Variants in CACNA2D3 observed in about 807,000 individuals in gnomAD.
CACNA2D3 encodes voltage-dependent calcium channel subunit alpha-2/delta-3.
CACNA2D3 carries 60 observed loss-of-function variants against 160.6 expected under a neutral mutation model. That is an observed-to-expected ratio of 0.37 (90% CI 0.30 to 0.46). The LOEUF (loss-of-function observed/expected upper bound fraction) is 0.46. Among genes scored for constraint, CACNA2D3 ranks in the 20% least tolerant of loss-of-function variants. CACNA2D3 has a pLI of 1.00. For missense variants in CACNA2D3, 1,205 were observed against 1,365.0 expected (o/e 0.88, Z 1.85); for synonymous variants, 558 against 492.9 (o/e 1.13, Z -1.75).
intron 11 of CACNA2D3, among the ~76,000 whole-genome samples, chr3:54,703,787 G>C (rs1700809520): frequency 6.6e-6 from 1 of 152,192 alleles, no homozygotes; most frequent in South Asian, 2.1e-4. Flanking sequence ...GCTCACAGTA[G>C]AGCACAAAGG....
intron 11 of CACNA2D3, among the ~76,000 whole-genome samples, chr3:54,692,676 G>A (rs1384164832): frequency 6.6e-6 from 1 of 152,130 alleles, no homozygotes; most frequent in Non-Finnish European, 1.5e-5. Flanking sequence ...CCATCAACCA[G>A]CAAAATGGAT....
intron 13 of CACNA2D3, among the ~76,000 whole-genome samples, chr3:54,769,767 A>G (rs773038602): frequency 6.6e-6 from 1 of 152,322 alleles, no homozygotes; most frequent in East Asian, 1.9e-4. Flanking sequence ...CATAGTAGCT[A>G]CATGATTGTT....
chr3:54,337,523 C>G (rs552280034), intron 3 of CACNA2D3, among the ~76,000 whole-genome samples: 2 of 152,294 alleles, frequency 1.3e-5, no homozygotes, highest in African/African-American at 4.8e-5. Flanking sequence ...GTTCTGCTGT[C>G]TCTGCATTAG....
intron 9 of CACNA2D3, chr3:54,626,513 C>T: frequency 1.9e-6 from 3 of 1,608,270 alleles, no homozygotes; most frequent in Non-Finnish European, 2.5e-6. Flanking sequence ...AACGGCAAGA[C>T]CTTCAACCAG....
chr3:54,670,467 C>T (rs967493209), intron 11 of CACNA2D3, among the ~76,000 whole-genome samples: 8 of 152,062 alleles, frequency 5.3e-5, no homozygotes, highest in East Asian at 1.9e-4. Flanking sequence ...CCTTTACAGG[C>T]GCAAATAATG....
intron 4 of CACNA2D3, among the ~76,000 whole-genome samples, chr3:54,417,516 G>A (rs920603702): frequency 6.7e-6 from 1 of 149,744 alleles, no homozygotes; most frequent in Admixed American, 6.7e-5. Flanking sequence ...GGAAAGGATA[G>A]CAACTATTTT....
intron 4 of CACNA2D3, among the ~76,000 whole-genome samples, chr3:54,423,818 C>T (rs1007585264): frequency 6.6e-6 from 1 of 152,072 alleles, no homozygotes; most frequent in East Asian, 1.9e-4. Context: ...GTGACATGCC[C>T]GGGAGCACAG....
chr3:54,368,135 T>A (rs1868509), intron 3 of CACNA2D3, among the ~76,000 whole-genome samples: 8,749 of 152,204 alleles, frequency 0.057, 310 homozygotes, highest in Middle Eastern at 0.095. Context: ...ACTTATTTTT[T>A]AAAAGAGTTA....
intron 16 of CACNA2D3, among the ~76,000 whole-genome samples, chr3:54,842,969 G>A (rs1350363856): frequency 6.7e-6 from 1 of 150,090 alleles, no homozygotes; most frequent in African/African-American, 2.5e-5. Context: ...AGGCGGAAAA[G>A]TGAGTGTAGC....
intron 11 of CACNA2D3, among the ~76,000 whole-genome samples, chr3:54,682,089 G>A (rs1268056728): frequency 6.6e-6 from 1 of 151,912 alleles, no homozygotes; most frequent in Non-Finnish European, 1.5e-5. Flanking sequence ...ATGTGTGCGT[G>A]ATTGCAAAGT....
At chr3:55,035,191 G>A (rs1703786984) in intron 35 of CACNA2D3, among the ~76,000 whole-genome samples, 1 of 152,116 alleles carries the variant, frequency 6.6e-6, no homozygotes, top group African/African-American at 2.4e-5. Context: ...AGAAAATACA[G>A]TAGTGATAGA....
chr3:54,862,535 C>G (rs1324699647), intron 17 of CACNA2D3, among the ~76,000 whole-genome samples: 2 of 152,160 alleles, frequency 1.3e-5, no homozygotes, highest in Admixed American at 6.5e-5. Flanking sequence ...GCCTGCATCC[C>G]TTTATTAACT....
intron 3 of CACNA2D3, among the ~76,000 whole-genome samples, chr3:54,374,713 C>A (rs1004872972): frequency 2.0e-5 from 3 of 152,132 alleles, no homozygotes; most frequent in African/African-American, 7.2e-5. Context: ...AAAGTAATTA[C>A]CTTTGCACCC....
chr3:54,875,894 C>T (rs1276628748), intron 18 of CACNA2D3, among the ~76,000 whole-genome samples: 1 of 152,172 alleles, frequency 6.6e-6, no homozygotes, highest in Non-Finnish European at 1.5e-5. Context: ...GTACAAGCTG[C>T]TTTAATGTCC....
At chr3:54,320,587 C>T (rs1240266327) in intron 3 of CACNA2D3, 29 bp downstream of exon 3, 29 of 1,294,468 alleles carry the variant, frequency 2.2e-5, no homozygotes, top group East Asian at 5.2e-5. Flanking sequence ...TGCCCTGTAT[C>T]GCCTGAAGGC....
intron 4 of CACNA2D3, among the ~76,000 whole-genome samples, chr3:54,434,010 T>A (rs999388701): frequency 1.3e-5 from 2 of 152,176 alleles, no homozygotes; most frequent in African/African-American, 4.8e-5. Context: ...TAATCGTTCC[T>A]TGCCTGATGG....
At chr3:54,424,913 C>T (rs1335358092) in intron 4 of CACNA2D3, among the ~76,000 whole-genome samples, 3 of 152,230 alleles carry the variant, frequency 2.0e-5, no homozygotes, top group Non-Finnish European at 2.9e-5. Context: ...CCCTGTGTCT[C>T]TGCATCCCAT....
At chr3:54,316,323 G>C (rs1703862546) in intron 2 of CACNA2D3, among the ~76,000 whole-genome samples, 1 of 152,098 alleles carries the variant, frequency 6.6e-6, no homozygotes, top group African/African-American at 2.4e-5. Flanking sequence ...GTTACTAAGG[G>C]CTTTTGATTG....
chr3:54,238,015 C>T (rs1363922036), intron 2 of CACNA2D3, among the ~76,000 whole-genome samples: 1 of 152,162 alleles, frequency 6.6e-6, no homozygotes. Context: ...CACATGAAAC[C>T]TGTCTTCTTG....
Sources: gnomAD v4.1 joint callset for allele counts (sites outside exome capture counted in the v4.1 genomes callset) on GRCh38, gnomAD v4.1.1 for gene constraint, MANE v1.5 for transcripts, NCBI Gene and HGNC (gene_info 2026-07-23, HGNC 2026-07-21) for gene names.